The following AGPAT4 variants were observed in gnomAD, a reference collection of about 807,000 sequenced individuals.
AGPAT4 encodes the protein 1-acylglycerol-3-phosphate O-acyltransferase 4.
Under a neutral mutation model 48.0 loss-of-function variants are expected in AGPAT4, and 15 were observed. The ratio of observed to expected loss-of-function variants is 0.31; its 90% CI spans 0.21 to 0.48. The LOEUF (loss-of-function observed/expected upper bound fraction) is 0.48. AGPAT4 is among the 20% of genes least tolerant of loss of function. The pLI is 0.99. For synonymous variants in AGPAT4, 178 were observed against 198.7 expected, an observed-to-expected ratio of 0.90 and a Z score of 0.88; for missense variants, 314 against 482.5, an observed-to-expected ratio of 0.65 and a Z score of 3.27.
At chr6:161,157,574 A>C (rs1244452529) in intron 3 of AGPAT4, among the ~76,000 whole-genome samples, 1 of 152,204 alleles carries the variant, frequency 6.6e-6, no homozygotes, top group Non-Finnish European at 1.5e-5. Flanking sequence ...CGGCCTCCCA[A>C]AGTGCTGGGG....
At chr6:161,209,627 C>A (rs187608678) in intron 2 of AGPAT4, among the ~76,000 whole-genome samples, 16 of 152,184 alleles carry the variant, frequency 1.1e-4, no homozygotes, top group Admixed American at 8.5e-4. Context: ...CATGTCAGAC[C>A]CGAACAGGCT....
In AGPAT4 at chr6:161,177,032, C is replaced by T. The variant is rs905538344; in HGVS notation, c.179-10615G>A. The stretch of plus-strand genomic sequence containing the variant: ...ATCTGCTGTTAGTCTGATGGGCTTC[C>T]TTTTGTGGGTAAATTGATCTTTCTC... On this transcript the variant is annotated intron_variant, in intron 2 of 8. Transcript: ENST00000320285. This position sits in a 1 kb window ranked among gnomAD's most constrained non-coding sequence, Gnocchi z 5.0. Among the ~76,000 whole-genome samples, 1 of 152,286 alleles carries T rather than the reference C, an allele frequency of 6.6e-6. No individual in the cohort carries two copies. Among genetic ancestry groups the T allele is most frequent in the East Asian group, 1.9e-4 (1 of 5,176 alleles).
rs910147663 is a variant in AGPAT4 at position 161,236,560 on chromosome 6, G to A, written c.-89-4258C>T. 2.6e-5 allele frequency among the ~76,000 whole-genome samples: 4 copies of A among 152,062 alleles called. No individual in the cohort carries two copies. The highest frequency in any genetic ancestry group is 4.1e-4 in the South Asian group (2 of 4,824). Reference sequence around the variant, plus strand: ...GAAATCTGGCCACAGAGGCTGGCACGGTTACCTCTGGGGGCAGACAAGTGA... The same window carrying A: ...GAAATCTGGCCACAGAGGCTGGCACAGTTACCTCTGGGGGCAGACAAGTGA... On this transcript the variant is annotated intron_variant, in intron 1 of 8. Transcript: ENST00000320285. The surrounding 1 kb of genome is among the most constrained non-coding windows in gnomAD (Gnocchi z 5.0).
Position 161,204,576 on chromosome 6 carries a change from T to A in AGPAT4, c.178+27460A>T, listed in dbSNP as rs563142746. On this transcript the variant is annotated intron_variant, in intron 2 of 8. Coordinates refer to ENST00000320285, the MANE Select transcript of AGPAT4 (RefSeq NM_020133.3). This position sits in a 1 kb window ranked among gnomAD's most constrained non-coding sequence, Gnocchi z 4.4. ...ACAGCACTGGATTCTTATTATCTCA[T>A]GATGAAGTTTAACTCTCCCAAATTT... 6.6e-6 allele frequency among the ~76,000 whole-genome samples: 1 copy of A among 152,306 alleles called. No homozygotes were observed. The highest frequency in any genetic ancestry group is 6.5e-5 in the Admixed American group (1 of 15,294).
intron 1 of AGPAT4, among the ~76,000 whole-genome samples, chr6:161,269,942 C>T (rs1264734143): frequency 2.0e-5 from 3 of 152,062 alleles, no homozygotes; most frequent in Non-Finnish European, 4.4e-5. Flanking sequence ...AACAAGATAA[C>T]GACAAACAAT....
Position 161,153,495 on chromosome 6 carries a change from A to G in AGPAT4, c.515T>C (p.Leu172Pro), listed in dbSNP as rs906591056. The G allele has an allele frequency of 6.2e-7, 1 of 1,613,370 alleles. No homozygotes were observed. The highest frequency in any genetic ancestry group is 8.5e-7 in the Non-Finnish European group (1 of 1,179,840). The change falls in exon 5 of 9, where the codon CTG becomes CCG. Residue 172 changes from leucine (L) to proline (P), a missense_variant. Coordinates refer to ENST00000320285, the MANE Select transcript of AGPAT4 (RefSeq NM_020133.3). Reference sequence around the variant, plus strand: ...GAACCGTGTGCCCTCACAGTGAATCAGGAACTGGAAGGAAGGAGGCAGGAG... The same window carrying G: ...GAACCGTGTGCCCTCACAGTGAATCGGGAACTGGAAGGAAGGAGGCAGGAG... ...LRDYPEKYFF[L>P]IHCEGTRFTE...
Position 161,146,745 on chromosome 6 carries a change from A to C in AGPAT4, c.768-146T>G, listed in dbSNP as rs1779444338. On this transcript the variant is annotated intron_variant, in intron 6 of 8. Transcript: ENST00000320285. This position sits in a 1 kb window ranked among gnomAD's most constrained non-coding sequence, Gnocchi z 7.1. ...AGAGAGTAATGCAAGTGATAGAAAGAAGGGGCGTTCCACATCCACACTGGA... is the reference window on the plus strand; with the variant it reads ...AGAGAGTAATGCAAGTGATAGAAAGCAGGGGCGTTCCACATCCACACTGGA... 1.1e-5 allele frequency: 8 copies of C among 736,412 alleles called. No homozygotes were observed. Among genetic ancestry groups the C allele is most frequent in the Non-Finnish European group, 1.8e-5 (8 of 444,658 alleles). The allele number at this position is 736,412 out of a possible 1,614,324, so 45.6% of individuals were successfully genotyped here.
chr6:161,257,593 T>C (rs1043154488), intron 1 of AGPAT4, among the ~76,000 whole-genome samples: 3 of 152,168 alleles, frequency 2.0e-5, no homozygotes, highest in African/African-American at 7.2e-5. Context: ...GTAATGCCAT[T>C]AAAAAATTAA....
rs1782537361 is a variant in AGPAT4 at position 161,243,012 on chromosome 6, G to A, written c.-89-10710C>T. On this transcript the variant is annotated intron_variant, in intron 1 of 8. Transcript: ENST00000320285. This position sits in a 1 kb window ranked among gnomAD's most constrained non-coding sequence, Gnocchi z 4.8. ...CAGGAGGTGGAGGTTGCAGTGAGTGGAGATTGCGCCACTGCACTCCAGCTT... is the reference window on the plus strand; with the variant it reads ...CAGGAGGTGGAGGTTGCAGTGAGTGAAGATTGCGCCACTGCACTCCAGCTT... Among the ~76,000 whole-genome samples, 2 of 152,140 alleles carry A rather than the reference G, an allele frequency of 1.3e-5. No homozygotes were observed. Among genetic ancestry groups the A allele is most frequent in the South Asian group, 2.1e-4 (1 of 4,822 alleles).
rs1183756719 is a variant in AGPAT4, at chr6:161,266,783, T to C, written c.-90+7155A>G. ...TGGCTGCAGTATCCTGGGAAGAAGA[T>C]GTGCTTGCATAGACAGATAGTTCTT... is the stretch of plus-strand genomic sequence containing the variant. On this transcript the variant is annotated intron_variant, in intron 1 of 8. Coordinates refer to ENST00000320285, the MANE Select transcript of AGPAT4 (RefSeq NM_020133.3). The surrounding 1 kb of genome is among the most constrained non-coding windows in gnomAD (Gnocchi z 6.2). Among the ~76,000 whole-genome samples the C allele has an allele frequency of 6.6e-6, 1 of 152,226 alleles. No homozygotes were observed. Among genetic ancestry groups the C allele is most frequent in the Non-Finnish European group, 1.5e-5 (1 of 68,040 alleles).
At chr6:161,175,688 G>A (rs1157243527) in intron 2 of AGPAT4, among the ~76,000 whole-genome samples, 1 of 152,066 alleles carries the variant, frequency 6.6e-6, no homozygotes, top group Non-Finnish European at 1.5e-5. Context: ...GTTTTTGAAT[G>A]TGTTTGCTCT....
rs1487312729 is a variant in AGPAT4 at position 161,272,468 on chromosome 6, A to G, written c.-90+1470T>C. Among the ~76,000 whole-genome samples the G allele has an allele frequency of 2.0e-5, 3 of 151,986 alleles. No individual in the cohort carries two copies. Among genetic ancestry groups the G allele is most frequent in the African/African-American group, 7.3e-5 (3 of 41,306 alleles). ...ATCAAACGCTTCCTTAGACGTACTG[A>G]ATAAAAGCATCAGTTTAGCCGGTAC... is the stretch of plus-strand genomic sequence containing the variant. On this transcript the variant is annotated intron_variant, in intron 1 of 8. Transcript: ENST00000320285. The surrounding 1 kb of genome is among the most constrained non-coding windows in gnomAD (Gnocchi z 4.2).
Position 161,204,268 on chromosome 6 carries a change from G to A in AGPAT4, c.178+27768C>T, listed in dbSNP as rs1227730325. Reference sequence around the variant, plus strand: ...TTGTCTATCTTTCTATATAAAGGTAGTGTATATGTTAAATATGTCTGAAAT... The same window carrying A: ...TTGTCTATCTTTCTATATAAAGGTAATGTATATGTTAAATATGTCTGAAAT... On this transcript the variant is annotated intron_variant, in intron 2 of 8. Transcript: ENST00000320285. The surrounding 1 kb of genome is among the most constrained non-coding windows in gnomAD (Gnocchi z 4.4). Among the ~76,000 whole-genome samples the A allele has an allele frequency of 2.6e-5, 4 of 152,196 alleles. No homozygotes were observed. The highest frequency in any genetic ancestry group is 6.5e-5 in the Admixed American group (1 of 15,284).
At position 161,164,682 on chromosome 6, in the gene AGPAT4, T is replaced by G. The variant is rs1780042223; in HGVS notation, c.348+1566A>C. On this transcript the variant is annotated intron_variant, in intron 3 of 8. Coordinates refer to ENST00000320285, the MANE Select transcript of AGPAT4 (RefSeq NM_020133.3). This position sits in a 1 kb window ranked among gnomAD's most constrained non-coding sequence, Gnocchi z 7.4. The stretch of plus-strand genomic sequence containing the variant: ...TTATAAAATGTGGATAATAATATCC[T>G]AAGGATTAGAAATTACGGAAATAAG... Among the ~76,000 whole-genome samples, 1 of 152,170 alleles carries G rather than the reference T, an allele frequency of 6.6e-6. No individual in the cohort carries two copies.
rs1430713020 is a variant in AGPAT4, at chr6:161,230,000, T to G, written c.178+2036A>C. Among the ~76,000 whole-genome samples, 1 of 152,220 alleles carries G rather than the reference T, an allele frequency of 6.6e-6. No homozygotes were observed. Among genetic ancestry groups the G allele is most frequent in the Non-Finnish European group, 1.5e-5 (1 of 68,042 alleles). On this transcript the variant is annotated intron_variant, in intron 2 of 8. Transcript: ENST00000320285. This position sits in a 1 kb window ranked among gnomAD's most constrained non-coding sequence, Gnocchi z 6.0. ...CCCGGCATTGAGATGCCAGTTGTCT[T>G]AGATGGTTAATTCTTGAGTTTCATT...
intron 5 of AGPAT4, among the ~76,000 whole-genome samples, chr6:161,151,896 G>C (rs1032244217): frequency 6.6e-6 from 1 of 152,222 alleles, no homozygotes; most frequent in Admixed American, 6.5e-5. Context: ...TAGAGGCAGG[G>C]ACTGCAGGGA....
At chr6:161,224,409 C>T (rs971627358) in intron 2 of AGPAT4, among the ~76,000 whole-genome samples, 2 of 151,844 alleles carry the variant, frequency 1.3e-5, no homozygotes, top group Admixed American at 6.6e-5. Flanking sequence ...TTTGGGAGGT[C>T]GAGGTGGGAG....
intron 2 of AGPAT4, among the ~76,000 whole-genome samples, chr6:161,182,750 G>A (rs375734222): frequency 2.0e-5 from 3 of 152,210 alleles, no homozygotes; most frequent in Non-Finnish European, 2.9e-5. Flanking sequence ...CCTGAGAGGC[G>A]GGCACTGCTG....
At chr6:161,213,139 C>T (rs1461834945) in intron 2 of AGPAT4, among the ~76,000 whole-genome samples, 2 of 152,194 alleles carry the variant, frequency 1.3e-5, no homozygotes, top group African/African-American at 4.8e-5. Context: ...AGGAGCTGAT[C>T]ACCCAACTCA....
Sources: gnomAD v4.1 joint callset for allele counts (sites outside exome capture counted in the v4.1 genomes callset) on GRCh38, gnomAD v4.1.1 for gene constraint, Gnocchi (gnomAD v3.1) non-coding constraint, MANE v1.5 for transcripts, NCBI Gene and HGNC (gene_info 2026-07-23, HGNC 2026-07-21) for gene names.